SWT1: variants seen among roughly 807,000 people sequenced by gnomAD.
The protein encoded by SWT1 is SWT1 RNA endoribonuclease homolog.
SWT1 carries 33 observed loss-of-function variants against 107.3 expected under a neutral mutation model. That is an observed-to-expected ratio of 0.31 (90% CI 0.23 to 0.41). The LOEUF (loss-of-function observed/expected upper bound fraction) is 0.41, where lower values mean the gene tolerates loss of function less well. Ranked by LOEUF, SWT1 falls within the 10% of genes least tolerant of loss-of-function variation. The pLI is 1.00. For missense variants in SWT1, 898 were observed against 1,028.9 expected (o/e 0.87, Z 1.74); for synonymous variants, 345 against 348.3 (o/e 0.99, Z 0.11).
rs1393515617 is a variant in SWT1, at chr1:185,174,717, A to G, written c.570A>G (p.Arg190=). The change falls in exon 5 of 19, where the codon AGA becomes AGG. Residue 190 remains arginine, a synonymous_variant. Coordinates refer to ENST00000367500, the MANE Select transcript of SWT1 (RefSeq NM_017673.7). ...AGATGAAAGAACTCAAGAAAGGAAG[A>G]AACAGTAAATTTAGAGACAATTCTG... ...REKMKELKKG[R]NSKFRDNSEK... is the part of the protein sequence containing the mutation. The G allele has an allele frequency of 1.2e-6, 2 of 1,612,850 alleles. No individual in the cohort carries two copies. The highest frequency in any genetic ancestry group is 1.1e-5 in the South Asian group (1 of 90,634).
intron 5 of SWT1, among the ~76,000 whole-genome samples, chr1:185,175,403 T>C (rs1655458996): frequency 6.6e-6 from 1 of 152,068 alleles, no homozygotes; most frequent in Non-Finnish European, 1.5e-5. Flanking sequence ...ACTTTGGTGT[T>C]TTTTGCAGAG....
At chr1:185,282,377 A>T (rs1294039161) in intron 18 of SWT1, among the ~76,000 whole-genome samples, 1 of 131,464 alleles carries the variant, frequency 7.6e-6, no homozygotes, top group East Asian at 2.0e-4. Flanking sequence ...TGGTTTGGTT[A>T]AAAAAAAAAA....
intron 10 of SWT1, among the ~76,000 whole-genome samples, chr1:185,200,606 GT>G (rs1657791381): frequency 6.6e-6 from 1 of 152,200 alleles, no homozygotes; most frequent in Non-Finnish European, 1.5e-5. Flanking sequence ...ATTGCTGCCT[GT>G]TCCTTCCTCT....
intron 16 of SWT1, among the ~76,000 whole-genome samples, chr1:185,250,177 G>A (rs1174524281): frequency 6.6e-6 from 1 of 152,060 alleles, no homozygotes; most frequent in Non-Finnish European, 1.5e-5. Flanking sequence ...ATCCAGGCTG[G>A]GTTGCGGTGA....
intron 4 of SWT1, among the ~76,000 whole-genome samples, chr1:185,168,693 A>G (rs1654798261): frequency 6.6e-6 from 1 of 152,192 alleles, no homozygotes; most frequent in African/African-American, 2.4e-5. Flanking sequence ...CATTACATAC[A>G]CTAGTGAAGT....
chr1:185,206,610 C>G lies in SWT1; in HGVS notation c.1834-15C>G, dbSNP rs1322685793. 1 of 1,432,110 alleles carries G rather than the reference C, an allele frequency of 7.0e-7. No individual in the cohort carries two copies. Among genetic ancestry groups the G allele is most frequent in the African/African-American group, 1.5e-5 (1 of 68,952 alleles). The allele number at this position is 1,432,110 out of a possible 1,614,324, so 88.7% of individuals were successfully genotyped here. ...TAAATCTAGAGATGTTAATTTTTTT[C>G]TACATACTCTTTAGATCCTGTACCT... On this transcript the variant is annotated splice_polypyrimidine_tract_variant and intron_variant, in intron 12 of 18. Transcript: ENST00000367500.
intron 4 of SWT1, among the ~76,000 whole-genome samples, chr1:185,171,146 A>G (rs1039311184): frequency 7.1e-6 from 1 of 140,040 alleles, no homozygotes; most frequent in African/African-American, 2.7e-5. Flanking sequence ...ATTAGAATTG[A>G]AATTTTCAAA....
intron 17 of SWT1, among the ~76,000 whole-genome samples, chr1:185,272,180 A>G (rs1237176435): frequency 6.6e-6 from 1 of 152,218 alleles, no homozygotes; most frequent in Non-Finnish European, 1.5e-5. Context: ...AGTTTCCTCT[A>G]TAGTGGCAGC....
chr1:185,193,420 A>T (rs1657116629), intron 10 of SWT1, among the ~76,000 whole-genome samples: 1 of 150,466 alleles, frequency 6.6e-6, no homozygotes, highest in African/African-American at 2.4e-5. Flanking sequence ...GTTGGTTGAT[A>T]GTATTCTTCA....
At chr1:185,170,177 C>T (rs1654926257) in intron 4 of SWT1, among the ~76,000 whole-genome samples, 1 of 152,150 alleles carries the variant, frequency 6.6e-6, no homozygotes, top group African/African-American at 2.4e-5. Context: ...GGTGTGGAAA[C>T]CAACTGTAGG....
chr1:185,236,841 A>C (rs374742364), intron 16 of SWT1, among the ~76,000 whole-genome samples: 2 of 152,092 alleles, frequency 1.3e-5, no homozygotes, highest in Non-Finnish European at 2.9e-5. Flanking sequence ...TATCCAGAAT[A>C]TACAAAGAAC....
intron 4 of SWT1, among the ~76,000 whole-genome samples, chr1:185,172,203 A>T (rs1287314932): frequency 6.6e-6 from 1 of 152,230 alleles, no homozygotes; most frequent in East Asian, 1.9e-4. Context: ...TTCTCACTAC[A>T]AAGTAATATC....
At chr1:185,258,148 C>G (rs1188679433) in intron 16 of SWT1, 4 of 152,024 alleles carry the variant, frequency 2.6e-5, no homozygotes, top group Admixed American at 2.0e-4. Context: ...CCTTTTATTT[C>G]TATTTCATTA....
intron 17 of SWT1, among the ~76,000 whole-genome samples, chr1:185,273,147 A>G (rs941129604): frequency 6.6e-6 from 1 of 152,178 alleles, no homozygotes; most frequent in African/African-American, 2.4e-5. Flanking sequence ...GCTCACAGCT[A>G]TAATCTCAGC....
intron 11 of SWT1, among the ~76,000 whole-genome samples, chr1:185,203,484 G>C (rs1480046543): frequency 6.6e-6 from 1 of 151,966 alleles, no homozygotes; most frequent in Non-Finnish European, 1.5e-5. Flanking sequence ...CGCCGGGCGT[G>C]GTGGCGGGCG....
At chr1:185,190,760 C>T (rs138554759) in intron 10 of SWT1, 118 bp downstream of exon 10, 173 of 587,454 alleles carry the variant, frequency 2.9e-4, no homozygotes, top group African/African-American at 2.3e-3. Flanking sequence ...CCAAATCTGC[C>T]AGTAAGCATA....
At chr1:185,282,054 T>G (rs1458956487) in intron 18 of SWT1, among the ~76,000 whole-genome samples, 2 of 152,202 alleles carry the variant, frequency 1.3e-5, no homozygotes, top group African/African-American at 4.8e-5. Context: ...CAGCTCTGGC[T>G]TCAGATTGTG....
At chr1:185,261,478 C>G (rs1663010872) in intron 16 of SWT1, among the ~76,000 whole-genome samples, 1 of 152,072 alleles carries the variant, frequency 6.6e-6, no homozygotes, top group South Asian at 2.1e-4. Flanking sequence ...GAACAAATAC[C>G]TATTTGAGTC....
rs1001527360 is a variant in SWT1 at position 185,187,453 on chromosome 1, T to C, written c.1429+2522T>C. Reference sequence around the variant, plus strand: ...CAGACATTTGTTCTGTATTTTTATATTTTTCATTGTATTTTTATTGATTCA... The same window carrying C: ...CAGACATTTGTTCTGTATTTTTATACTTTTCATTGTATTTTTATTGATTCA... On this transcript the variant is annotated intron_variant, in intron 9 of 18. Transcript: ENST00000367500. Among the ~76,000 whole-genome samples the C allele has an allele frequency of 3.3e-5, 5 of 152,280 alleles. No individual in the cohort carries two copies. In the East Asian group the frequency reaches 9.6e-4, roughly 29 times the overall value.
Sources: gnomAD v4.1 joint callset for allele counts (sites outside exome capture counted in the v4.1 genomes callset) on GRCh38, gnomAD v4.1.1 for gene constraint, MANE v1.5 for transcripts, NCBI Gene and HGNC (gene_info 2026-07-23, HGNC 2026-07-21) for gene names.